Variants in PRH1 observed in about 807,000 individuals in gnomAD.
The protein encoded by PRH1 is salivary acidic proline-rich phosphoprotein 1/2.
PRH1 carries 7 observed loss-of-function variants against 7.9 expected under a neutral mutation model. The ratio of observed to expected loss-of-function variants is 0.89; its 90% CI spans 0.50 to 1.67. The LOEUF is 1.67. Ranked by LOEUF, PRH1 falls within the 40% of genes most tolerant of loss-of-function variation. PRH1 has a pLI of 0.00. For synonymous variants in PRH1, 45 were observed against 80.8 expected (o/e 0.56, Z 2.38); for missense variants, 109 against 223.6 (o/e 0.49, Z 3.27).
intron 1 of PRH1, among the ~76,000 whole-genome samples, chr12:11,018,643 T>C (rs1941419387): frequency 6.6e-6 from 1 of 152,064 alleles, no homozygotes; most frequent in African/African-American, 2.4e-5. Context: ...CAAAGCATCC[T>C]GCCTTCCAAC....
chr12:11,103,783 G>T (rs1435779081), intron 1 of PRH1, among the ~76,000 whole-genome samples: 1 of 152,012 alleles, frequency 6.6e-6, no homozygotes, highest in East Asian at 1.9e-4. Flanking sequence ...AAATTTCTAA[G>T]CACACAATAA....
At chr12:10,937,759 C>T (rs1425753719) in intron 2 of PRH1, 1 of 152,390 alleles carries the variant, frequency 6.6e-6, no homozygotes, top group East Asian at 1.9e-4. Flanking sequence ...TTTAGTAAGG[C>T]AGCTGGCTTC....
intron 2 of PRH1, chr12:10,908,477 A>G: frequency 6.2e-7 from 1 of 1,613,968 alleles, no homozygotes; most frequent in Non-Finnish European, 8.5e-7. Context: ...AGTGGCTTGA[A>G]GGAGAGAAGA....
chr12:11,035,327 C>G lies in PRH1; in HGVS notation c.-126+11693G>C, dbSNP rs1247930519. On this transcript the variant is annotated intron_variant, in intron 1 of 3. Transcript: ENST00000539853. The stretch of plus-strand genomic sequence containing the variant: ...TTGTAGCTTCACTGTCTCTGACCCT[C>G]TAGCCTTATATTTTCTATCTATTCG... Among the ~76,000 whole-genome samples the G allele has an allele frequency of 3.9e-5, 6 of 152,328 alleles. No homozygotes were observed. In the East Asian group the frequency reaches 9.6e-4, roughly 24 times the overall value.
upstream of PRH1, chr12:10,884,353 T>G (rs1335835388): frequency 1.9e-6 from 2 of 1,029,128 alleles, no homozygotes; most frequent in Non-Finnish European, 3.0e-6. Context: ...GACTGGCTTC[T>G]GCTTTGCTTA....
At chr12:10,977,590 T>A (rs1201339463) in intron 1 of PRH1, among the ~76,000 whole-genome samples, 1 of 152,144 alleles carries the variant, frequency 6.6e-6, no homozygotes, top group Non-Finnish European at 1.5e-5. Flanking sequence ...ATAAAAGTCA[T>A]CTAAGTAGGA....
chr12:11,156,063 TA>T (rs1947238222), intron 1 of PRH1, among the ~76,000 whole-genome samples: 1 of 152,226 alleles, frequency 6.6e-6, no homozygotes, highest in Non-Finnish European at 1.5e-5. Context: ...CCATTGCCTT[TA>T]TTTTCATTCC....
At chr12:11,134,329 A>T (rs1946484981) in intron 1 of PRH1, 1 of 1,265,166 alleles carries the variant, frequency 7.9e-7, no homozygotes, top group African/African-American at 1.5e-5. Flanking sequence ...CTTAAATTCT[A>T]TATGCACCTG....
At chr12:11,045,608 T>A (rs1942875198) in intron 1 of PRH1, among the ~76,000 whole-genome samples, 1 of 152,158 alleles carries the variant, frequency 6.6e-6, no homozygotes, top group African/African-American at 2.4e-5. Context: ...CTAAACTTCC[T>A]ATATCTGTTT....
downstream of PRH1, among the ~76,000 whole-genome samples, chr12:11,116,786 T>G (rs924035140): frequency 1.3e-5 from 2 of 152,110 alleles, no homozygotes; most frequent in Non-Finnish European, 2.9e-5. Flanking sequence ...AATCAATCAA[T>G]GTGATACATC....
intron 1 of PRH1, among the ~76,000 whole-genome samples, chr12:11,143,991 T>C (rs955708946): frequency 6.6e-6 from 1 of 151,950 alleles, no homozygotes; most frequent in East Asian, 1.9e-4. Context: ...CCAGTTGAGG[T>C]GATGGAGGGT....
chr12:11,076,162 AAC>A (rs1454564425), intron 1 of PRH1, among the ~76,000 whole-genome samples: 1 of 124,028 alleles, frequency 8.1e-6, no homozygotes, highest in Non-Finnish European at 1.9e-5. Flanking sequence ...ACCAAGAATT[AAC>A]ACAGTCATGC....
At chr12:10,902,553 C>G (rs1012384174) in intron 2 of PRH1, among the ~76,000 whole-genome samples, 3 of 151,960 alleles carry the variant, frequency 2.0e-5, no homozygotes, top group Non-Finnish European at 4.4e-5. Flanking sequence ...ATGAACATCA[C>G]CAAAGCATAT....
chr12:11,115,831 A>C (rs1945716007), intron 1 of PRH1, among the ~76,000 whole-genome samples: 1 of 152,132 alleles, frequency 6.6e-6, no homozygotes, highest in African/African-American at 2.4e-5. Flanking sequence ...AGGAAATTGA[A>C]AAAATGCTAG....
At chr12:10,985,958 T>C in intron 1 of PRH1, 2 of 1,601,888 alleles carry the variant, frequency 1.2e-6, no homozygotes, top group Non-Finnish European at 1.7e-6. Context: ...TCAGGTCTTT[T>C]ACTCAGCACC....
chr12:10,887,866 T>C (rs1167409237), upstream of PRH1, among the ~76,000 whole-genome samples: 1 of 152,170 alleles, frequency 6.6e-6, no homozygotes, highest in Non-Finnish European at 1.5e-5. Flanking sequence ...ATATAGCAAA[T>C]TGTTCATTAG....
At chr12:11,126,333 A>G (rs1208111231) in intron 1 of PRH1, among the ~76,000 whole-genome samples, 5 of 152,194 alleles carry the variant, frequency 3.3e-5, no homozygotes, top group Non-Finnish European at 2.9e-5. Flanking sequence ...ATAGTTTTGT[A>G]AACTTTATAT....
rs1255103428 is a variant in PRH1, at chr12:11,094,865, T to A, written n.124-47677A>T. ...ACACCTAAAACAGGCTAGATCCACC[T>A]CCATTCCACTTTCCAAGTCCCTAAA... On this transcript the variant is annotated intron_variant and non_coding_transcript_variant, in intron 1 of 4. Transcript: ENST00000541977. Among the ~76,000 whole-genome samples the A allele has an allele frequency of 2.7e-5, 3 of 110,472 alleles. 1 individual carries two copies. The highest frequency in any genetic ancestry group is 9.2e-5 in the African/African-American group (3 of 32,672). 72.5% of individuals were successfully genotyped at this position (110,472 alleles called of 152,430 possible).
intron 2 of PRH1, among the ~76,000 whole-genome samples, chr12:10,935,412 A>G (rs932568941): frequency 2.6e-5 from 4 of 152,200 alleles, no homozygotes; most frequent in Non-Finnish European, 5.9e-5. Context: ...AACTGAAAAT[A>G]TCCAGGAACA....
Sources: gnomAD v4.1 joint callset for allele counts (sites outside exome capture counted in the v4.1 genomes callset) on GRCh38, gnomAD v4.1.1 for gene constraint, MANE v1.5 for transcripts, NCBI Gene and HGNC (gene_info 2026-07-23, HGNC 2026-07-21) for gene names.